The following CRAMP1 variants were observed in gnomAD, a reference collection of about 807,000 sequenced individuals.
CRAMP1 encodes protein cramped-like.
In CRAMP1, 50 loss-of-function variants were observed where a neutral mutation model predicts 115.4. That is an observed-to-expected ratio of 0.43 (90% CI 0.35 to 0.55). The LOEUF is 0.55. CRAMP1 is among the 20% of genes least tolerant of loss of function. The pLI is 0.01. For synonymous variants in CRAMP1, 866 were observed against 745.4 expected (o/e 1.16, Z -2.64); for missense variants, 1,679 against 1,721.7 (o/e 0.98, Z 0.44).
intron 6 of CRAMP1, 40 bp downstream of exon 6, chr16:1,641,227 T>C (rs1050296432): frequency 1.4e-6 from 2 of 1,445,128 alleles, no homozygotes; most frequent in African/African-American, 1.4e-5. Flanking sequence ...CTTCTCTGGG[T>C]GTTTTGTGTT....
intron 1 of CRAMP1, among the ~76,000 whole-genome samples, 80 bp downstream of exon 1, chr16:1,612,737 G>T (rs957230569): frequency 6.6e-6 from 1 of 152,074 alleles, no homozygotes; most frequent in Non-Finnish European, 1.5e-5. Context: ...AGAGCGCGGG[G>T]GGGGCGTCGC....
intron 2 of CRAMP1, among the ~76,000 whole-genome samples, chr16:1,617,581 C>T (rs956673512): frequency 8.5e-5 from 13 of 152,176 alleles, no homozygotes; most frequent in Non-Finnish European, 1.5e-4. Context: ...TTCTATTATG[C>T]CTAAGGAATA....
chr16:1,663,066 T>C (rs910224094), intron 13 of CRAMP1, among the ~76,000 whole-genome samples: 3 of 152,198 alleles, frequency 2.0e-5, no homozygotes, highest in Non-Finnish European at 4.4e-5. Flanking sequence ...AAGACAATTA[T>C]AGGGATTCAA....
chr16:1,618,406 C>A (rs531364830), intron 2 of CRAMP1, among the ~76,000 whole-genome samples: 2 of 152,286 alleles, frequency 1.3e-5, no homozygotes, highest in South Asian at 2.1e-4. Context: ...CAGGAGGAGG[C>A]TGCACAGGCT....
chr16:1,665,958 G>A, intron 14 of CRAMP1, 115 bp from the exon 15 acceptor site: 1 of 683,174 alleles, frequency 1.5e-6, no homozygotes, highest in Non-Finnish European at 2.6e-6. Context: ...TTCCAGCTTG[G>A]CTCGGCTCCC....
At chr16:1,629,043 T>A (rs1046981114) in intron 3 of CRAMP1, among the ~76,000 whole-genome samples, 1 of 152,222 alleles carries the variant, frequency 6.6e-6, no homozygotes, top group Non-Finnish European at 1.5e-5. Context: ...CCCTTCCATT[T>A]CTGTGGCAGG....
chr16:1,666,557 C>G lies in CRAMP1; in HGVS notation c.2993C>G (p.Ser998Cys). 1 of 1,614,010 alleles carries G rather than the reference C, an allele frequency of 6.2e-7. No individual in the cohort carries two copies. The highest frequency in any genetic ancestry group is 2.2e-5 in the East Asian group (1 of 44,876). ...EVTGAISGQDSTGTHQDGDTL... is the reference protein window; with the variant it reads ...EVTGAISGQDCTGTHQDGDTL... ...ACGGGTGCCATCTCGGGGCAGGACTCTACTGGAACTCACCAGGATGGAGAC... is the reference window on the plus strand; with the variant it reads ...ACGGGTGCCATCTCGGGGCAGGACTGTACTGGAACTCACCAGGATGGAGAC... The change falls in exon 16 of 21, where the codon TCT (serine) becomes TGT (cysteine). Residue 998 changes from serine to cysteine, a missense_variant. This residue lies in a region of CRAMP1 where 709 missense variants were observed against 741.9 expected (regional missense o/e 0.96). Transcript: ENST00000397412. This position sits in a 1 kb window ranked among gnomAD's most constrained non-coding sequence, Gnocchi z 5.0.
chr16:1,613,352 C>T (rs534189253), intron 1 of CRAMP1, among the ~76,000 whole-genome samples: 32 of 152,286 alleles, frequency 2.1e-4, no homozygotes, highest in Admixed American at 2.0e-3. Flanking sequence ...ATCATTGCGA[C>T]TTTGAAGCCA....
At chr16:1,641,901 T>TG (rs576981924) in intron 6 of CRAMP1, among the ~76,000 whole-genome samples, 2,593 of 145,442 alleles carry the variant, frequency 0.018, 28 homozygotes, top group African/African-American at 0.03. Context: ...CTCTGGAGCC[T>TG]GGGGGGGGGT....
rs758113534 is a variant in CRAMP1 at position 1,669,050 on chromosome 16, C to T, written c.3384C>T (p.Ser1128=). The T allele has an allele frequency of 6.2e-6, 10 of 1,613,000 alleles. No individual in the cohort carries two copies. The highest frequency in any genetic ancestry group is 1.1e-5 in the South Asian group (1 of 90,832). Reference sequence around the variant, plus strand: ...CAAAACTGAATGGCAGTGACAGTTCCAAGAGCCTTCCCTCCCCGTCCAGCA... The same window carrying T: ...CAAAACTGAATGGCAGTGACAGTTCTAAGAGCCTTCCCTCCCCGTCCAGCA... ...SPAKLNGSDS[S]KSLPSPSSSP... is the part of the protein sequence containing the mutation. The change falls in exon 19 of 21, where the codon TCC becomes TCT. Residue 1128 remains serine (S), a synonymous_variant. Coordinates refer to ENST00000397412, the MANE Select transcript of CRAMP1 (RefSeq NM_020825.4). This position sits in a 1 kb window ranked among gnomAD's most constrained non-coding sequence, Gnocchi z 4.6.
chr16:1,641,314 G>A (rs967953935), intron 6 of CRAMP1, 127 bp downstream of exon 6: 7 of 718,872 alleles, frequency 9.7e-6, no homozygotes, highest in African/African-American at 1.8e-5. Context: ...TCTCAGTTAC[G>A]TGTTCAGTCC....
At chr16:1,670,876 C>T (rs888635895) in intron 20 of CRAMP1, 67 bp downstream of exon 20, 40 of 1,482,970 alleles carry the variant, frequency 2.7e-5, no homozygotes, top group Middle Eastern at 2.0e-4. Context: ...CCAGCACTCT[C>T]CTGCACACCT....
intron 2 of CRAMP1, among the ~76,000 whole-genome samples, chr16:1,623,162 G>A (rs1054765864): frequency 6.6e-6 from 1 of 152,126 alleles, no homozygotes; most frequent in Non-Finnish European, 1.5e-5. Flanking sequence ...TGTTCATCTT[G>A]CTTTACTTTC....
rs1596486968 is a variant in CRAMP1, at chr16:1,637,501, G to A, written c.695-323G>A. ...CACCTGTGTGCAGAGATGGATGACA[G>A]GTTTAGTGCTGGCCACATCTGCCAC... On this transcript the variant is annotated intron_variant, in intron 4 of 20. Transcript: ENST00000397412. 7.2e-5 allele frequency among the ~76,000 whole-genome samples: 11 copies of A among 152,344 alleles called. 1 individual carries two copies. In the South Asian group the frequency reaches 2.3e-3, roughly 32 times the overall value.
At chr16:1,635,042 G>T (rs1310165538) in intron 4 of CRAMP1, among the ~76,000 whole-genome samples, 2 of 152,160 alleles carry the variant, frequency 1.3e-5, no homozygotes. Context: ...GGGATTACAG[G>T]TGTGCACCAC....
chr16:1,652,664 G>C (rs1596492328), intron 7 of CRAMP1, 83 bp downstream of exon 7: 2 of 1,266,772 alleles, frequency 1.6e-6, no homozygotes, highest in Non-Finnish European at 1.1e-6. Context: ...CTACCGGGTT[G>C]CTGCCACAGT....
In CRAMP1 at chr16:1,674,015, C is replaced by A. The variant is rs139731219; in HGVS notation, c.3780C>A (p.Gly1260=). ...RREALFDGGG[G]GPAVSDLSQ ...AAGCTCTGTTTGATGGTGGTGGAGG[C>A]GGCCCCGCTGTCAGTGACCTGTCCC... The change falls in exon 21 of 21, where the codon GGC becomes GGA. Residue 1260 remains glycine (G), a synonymous_variant. Transcript: ENST00000397412. The A allele has an allele frequency of 1.2e-6, 2 of 1,612,062 alleles. No individual in the cohort carries two copies. The highest frequency in any genetic ancestry group is 2.7e-5 in the African/African-American group (2 of 74,886).
At chr16:1,644,190 C>G (rs892063463) in intron 6 of CRAMP1, among the ~76,000 whole-genome samples, 2 of 152,224 alleles carry the variant, frequency 1.3e-5, no homozygotes, top group African/African-American at 4.8e-5. Flanking sequence ...CTTGGCCGTT[C>G]TCACCTGACT....
chr16:1,652,882 T>A (rs2036736836), intron 7 of CRAMP1, 151 bp from the exon 8 acceptor site: 1 of 961,178 alleles, frequency 1.0e-6, no homozygotes, highest in Non-Finnish European at 1.5e-6. Context: ...ACATTGGAGT[T>A]TCTTCTTCGC....
Sources: gnomAD v4.1 joint callset for allele counts (sites outside exome capture counted in the v4.1 genomes callset) on GRCh38, gnomAD v4.1.1 for gene constraint, gnomAD v4.1.1 regional missense constraint, Gnocchi (gnomAD v3.1) non-coding constraint, MANE v1.5 for transcripts, NCBI Gene and HGNC (gene_info 2026-07-23, HGNC 2026-07-21) for gene names.